Variants in KLRG1 observed in about 807,000 individuals in gnomAD.
KLRG1 encodes killer cell lectin-like receptor subfamily G member 1.
Under a neutral mutation model 21.8 loss-of-function variants are expected in KLRG1, and 16 were observed. That is an observed-to-expected ratio of 0.73 (90% CI 0.50 to 1.11). The LOEUF (loss-of-function observed/expected upper bound fraction) is 1.11. Among genes scored for constraint, KLRG1 ranks in the 50% most tolerant of loss-of-function variants. KLRG1 has a pLI of 0.00. For missense variants in KLRG1, 173 were observed against 218.3 expected, an observed-to-expected ratio of 0.79 and a Z score of 1.31; for synonymous variants, 69 against 75.9, an observed-to-expected ratio of 0.91 and a Z score of 0.47.
the KLRG1 span, chr12:9,163,633 C>T: frequency 2.5e-6 from 4 of 1,607,982 alleles, no homozygotes; most frequent in African/African-American, 4.0e-5. Context: ...GTGTTGCATT[C>T]TTACAGTTGT....
chr12:9,148,915 C>A, the KLRG1 span: 88 of 1,460,892 alleles, frequency 6.0e-5, no homozygotes, highest in Middle Eastern at 3.6e-4. Context: ...AACTCCATTC[C>A]TTCTAAGTAA....
chr12:9,046,862 T>C, the KLRG1 span, among the ~76,000 whole-genome samples: 3 of 152,224 alleles, frequency 2.0e-5, 1 homozygote, highest in Non-Finnish European at 4.4e-5. Flanking sequence ...AAATTATTTT[T>C]ATTTTTTTAT....
chr12:9,020,126 G>C, the KLRG1 span, among the ~76,000 whole-genome samples: 2 of 151,884 alleles, frequency 1.3e-5, 1 homozygote, highest in South Asian at 4.2e-4. Context: ...GTGTTGCCCA[G>C]GTCTTGAACT....
At chr12:9,119,072 TA>T in the KLRG1 span, among the ~76,000 whole-genome samples, 7 of 152,356 alleles carry the variant, frequency 4.6e-5, no homozygotes, top group East Asian at 1.3e-3. Context: ...ACCGCTTTAG[TA>T]AGAGAATAGT....
At chr12:9,101,603 G>T in the KLRG1 span, 1 of 1,614,026 alleles carries the variant, frequency 6.2e-7, no homozygotes, top group Non-Finnish European at 8.5e-7. Flanking sequence ...GATAAGCAGT[G>T]TGATGTGCCT....
the KLRG1 span, among the ~76,000 whole-genome samples, chr12:9,022,630 AT>A: frequency 4.6e-5 from 7 of 151,946 alleles, no homozygotes; most frequent in African/African-American, 1.7e-4. Context: ...GAGGGCTGGG[AT>A]TTTTAGCCCC....
chr12:8,979,770 G>A (rs1011270633), intron 1 of KLRG1, among the ~76,000 whole-genome samples: 1 of 151,586 alleles, frequency 6.6e-6, no homozygotes, highest in African/African-American at 2.4e-5. Flanking sequence ...TCCTCTGACT[G>A]GATAATTTCA....
the KLRG1 span, among the ~76,000 whole-genome samples, chr12:9,178,773 C>T: frequency 6.6e-6 from 1 of 152,176 alleles, no homozygotes. Flanking sequence ...GTGCTATCCA[C>T]AGTTTCAGAC....
the KLRG1 span, among the ~76,000 whole-genome samples, chr12:9,206,216 T>A: frequency 6.6e-6 from 1 of 151,856 alleles, no homozygotes; most frequent in Non-Finnish European, 1.5e-5. Flanking sequence ...CAAAAAATTT[T>A]TCCTTTAGTT....
At chr12:9,143,995 T>C in the KLRG1 span, among the ~76,000 whole-genome samples, 3 of 152,238 alleles carry the variant, frequency 2.0e-5, no homozygotes, top group Non-Finnish European at 4.4e-5. Flanking sequence ...AGATTTCTTC[T>C]AGCCTAGTCC....
chr12:9,072,644 G>C, the KLRG1 span: 1 of 1,613,808 alleles, frequency 6.2e-7, no homozygotes, highest in Non-Finnish European at 8.5e-7. Context: ...ACCTGCCCAA[G>C]AGTCTCACCT....
upstream of KLRG1, chr12:8,988,307 C>G (rs1356872996): frequency 1.3e-5 from 2 of 152,216 alleles, no homozygotes; most frequent in Non-Finnish European, 2.9e-5. Context: ...GATCATTGCA[C>G]TCACCTTTGT....
the KLRG1 span, among the ~76,000 whole-genome samples, chr12:9,202,003 T>A: frequency 6.6e-6 from 1 of 152,218 alleles, no homozygotes; most frequent in Non-Finnish European, 1.5e-5. Flanking sequence ...GCTTTTTTAA[T>A]CATAAATTCC....
the KLRG1 span, among the ~76,000 whole-genome samples, chr12:9,025,598 C>T: frequency 0.78 from 118,692 of 152,132 alleles, 46,882 homozygotes; most frequent in African/African-American, 0.86. Flanking sequence ...GATCGTGCGA[C>T]TGCACTCCAG....
At chr12:9,200,764 G>A in the KLRG1 span, 1 of 982,022 alleles carries the variant, frequency 1.0e-6, no homozygotes, top group Admixed American at 2.4e-5. Flanking sequence ...CCGTCCTAAT[G>A]GTCTTAGAAG....
chr12:8,973,506 G>T (rs902577212), intron 1 of KLRG1, among the ~76,000 whole-genome samples: 2 of 152,174 alleles, frequency 1.3e-5, no homozygotes, highest in Non-Finnish European at 2.9e-5. Flanking sequence ...GCAACAAGGT[G>T]CCATCTTGGA....
chr12:9,152,635 A>G, the KLRG1 span, among the ~76,000 whole-genome samples: 4 of 152,246 alleles, frequency 2.6e-5, no homozygotes, highest in African/African-American at 9.6e-5. Flanking sequence ...GTTATTTAGT[A>G]TATATTACTT....
chr12:9,205,223 A>G, the KLRG1 span, among the ~76,000 whole-genome samples: 17 of 152,258 alleles, frequency 1.1e-4, no homozygotes, highest in South Asian at 3.3e-3. Flanking sequence ...TGTAAGCCTC[A>G]CATTCTGGCC....
chr12:9,097,818 A>T, the KLRG1 span, among the ~76,000 whole-genome samples: 1 of 152,034 alleles, frequency 6.6e-6, no homozygotes, highest in Non-Finnish European at 1.5e-5. Context: ...TTTTTAGTAG[A>T]TACGGGGTTT....
Sources: allele counts gnomAD v4.1 joint callset (sites outside exome capture counted in the v4.1 genomes callset), GRCh38; gene constraint gnomAD v4.1.1; transcripts MANE v1.5; gene names NCBI Gene and HGNC (gene_info 2026-07-23, HGNC 2026-07-21).